MAGI1: variants seen among roughly 807,000 people sequenced by gnomAD.
MAGI1 encodes the protein membrane associated guanylate kinase, WW and PDZ domain containing 1.
A neutral mutation model predicts 139.9 loss-of-function variants in MAGI1; 58 were observed. That is an observed-to-expected ratio of 0.41 (90% confidence interval 0.34 to 0.52). MAGI1 has a LOEUF of 0.52. Among genes scored for constraint, MAGI1 ranks in the 20% least tolerant of loss-of-function variants. The probability of loss-of-function intolerance (pLI) is 0.12; values close to 1 mark genes in which losing one functional copy is unlikely to be tolerated. For synonymous variants in MAGI1, 812 were observed against 737.9 expected (o/e 1.10, Z -1.63); for missense variants, 1,874 against 1,901.6 (o/e 0.99, Z 0.27).
chr3:65,511,823 A>C (rs1203651369), intron 2 of MAGI1, among the ~76,000 whole-genome samples: 1 of 131,072 alleles, frequency 7.6e-6, no homozygotes, highest in Non-Finnish European at 1.6e-5. Flanking sequence ...CATCTACAGA[A>C]CTCTCCACCC....
chr3:65,923,445 T>A (rs1576072959), intron 1 of MAGI1, among the ~76,000 whole-genome samples: 1 of 152,150 alleles, frequency 6.6e-6, no homozygotes, highest in East Asian at 1.9e-4. Flanking sequence ...CAGGATGGTC[T>A]CGATCTCTTG....
At chr3:65,456,885 A>G (rs1949430958) in intron 5 of MAGI1, among the ~76,000 whole-genome samples, 2 of 152,310 alleles carry the variant, frequency 1.3e-5, no homozygotes, top group South Asian at 4.1e-4. Flanking sequence ...TTAGGTTATG[A>G]GTCTATTCCT....
intron 1 of MAGI1, among the ~76,000 whole-genome samples, chr3:65,680,795 T>TATGATATGATATGATATATGATATG (rs58365928): frequency 2.0e-4 from 31 of 151,274 alleles, no homozygotes; most frequent in African/African-American, 7.3e-4. Flanking sequence ...TATGATATGA[T>TATGATATGATATGATATATGATATG]ATACTTTAAT....
chr3:65,462,453 C>A (rs1418417480), intron 5 of MAGI1, among the ~76,000 whole-genome samples: 1 of 152,034 alleles, frequency 6.6e-6, no homozygotes, highest in African/African-American at 2.4e-5. Context: ...ATTTCTGAGG[C>A]CTCTGTTCTG....
At chr3:65,642,534 C>G (rs1290325595) in intron 1 of MAGI1, among the ~76,000 whole-genome samples, 1 of 152,176 alleles carries the variant, frequency 6.6e-6, no homozygotes, top group Non-Finnish European at 1.5e-5. Context: ...CTTAGCTAGA[C>G]AGTCCGCCCT....
At chr3:65,805,007 G>C (rs1279599200) in intron 1 of MAGI1, among the ~76,000 whole-genome samples, 1 of 152,084 alleles carries the variant, frequency 6.6e-6, no homozygotes, top group Non-Finnish European at 1.5e-5. Flanking sequence ...TAGGCAATAT[G>C]ATTCAGGATA....
chr3:65,529,648 G>A (rs1055050932), intron 2 of MAGI1, among the ~76,000 whole-genome samples: 5 of 152,110 alleles, frequency 3.3e-5, no homozygotes, highest in Non-Finnish European at 7.4e-5. Flanking sequence ...TTTGGCTACT[G>A]TGAATTATGT....
At chr3:66,021,678 T>C (rs1487967815) in intron 1 of MAGI1, among the ~76,000 whole-genome samples, 1 of 152,096 alleles carries the variant, frequency 6.6e-6, no homozygotes, top group Non-Finnish European at 1.5e-5. Flanking sequence ...ATCCCGTAGG[T>C]CTGGGATGGG....
intron 1 of MAGI1, among the ~76,000 whole-genome samples, chr3:65,953,125 G>A (rs983857375): frequency 6.6e-5 from 10 of 152,222 alleles, no homozygotes; most frequent in African/African-American, 2.2e-4. Flanking sequence ...CAAAGGGAGG[G>A]CAATGCCAAA....
chr3:65,354,925 A>C lies in MAGI1; in HGVS notation c.*1453T>G, dbSNP rs186767017. On this transcript the variant is annotated 3_prime_UTR_variant, in exon 23 of 23. Transcript: ENST00000402939. Reference sequence around the variant, plus strand: ...TCCTTTTTTTTTTTCTTACAGTACCATGGGAACAACAGTGATTGACTTGCA... The same window carrying C: ...TCCTTTTTTTTTTTCTTACAGTACCCTGGGAACAACAGTGATTGACTTGCA... 8.4e-5 allele frequency: 12 copies of C among 143,414 alleles called. No individual in the cohort carries two copies. The highest frequency in any genetic ancestry group is 3.1e-4 in the African/African-American group (12 of 38,308). 8.9% of individuals were successfully genotyped at this position (143,414 alleles called of 1,614,324 possible).
At chr3:65,849,487 CATCAAATATACATATAT>C (rs1559940847) in intron 1 of MAGI1, among the ~76,000 whole-genome samples, 1 of 107,948 alleles carries the variant, frequency 9.3e-6, no homozygotes, top group Non-Finnish European at 1.8e-5. Context: ...ATATATATAT[CATCAAATATACATATAT>C]ATATATCATC....
chr3:66,037,552 C>A (rs769888855), intron 1 of MAGI1, among the ~76,000 whole-genome samples: 22 of 152,040 alleles, frequency 1.4e-4, no homozygotes, highest in Non-Finnish European at 2.6e-4. Flanking sequence ...TGGGGGAGGT[C>A]CAATAAACTA....
At chr3:66,013,888 T>G (rs1184226704) in intron 1 of MAGI1, among the ~76,000 whole-genome samples, 1 of 152,162 alleles carries the variant, frequency 6.6e-6, no homozygotes, top group African/African-American at 2.4e-5. Flanking sequence ...GACTGAAGAC[T>G]TATTTAAGTA....
Position 66,037,045 on chromosome 3 carries a change from T to TC in MAGI1, c.313+950dup, listed in dbSNP as rs541135004. The stretch of plus-strand genomic sequence containing the variant: ...CAGCCCCTTCAGTGCGGTAGGGTCA[T>TC]CCCCCCACTCCTTCCTCCTCCATAC... On this transcript the variant is annotated intron_variant, in intron 1 of 22. Coordinates refer to ENST00000402939, the MANE Select transcript of MAGI1 (RefSeq NM_001033057.2). 2.9e-3 allele frequency among the ~76,000 whole-genome samples: 438 copies of TC among 152,170 alleles called. 2 individuals carry two copies. Among genetic ancestry groups the TC allele is most frequent in the Non-Finnish European group, 5.0e-3 (340 of 67,988 alleles).
chr3:65,629,561 C>CAAAA (rs57784561), intron 1 of MAGI1, among the ~76,000 whole-genome samples: 14 of 143,030 alleles, frequency 9.8e-5, no homozygotes, highest in South Asian at 8.8e-4. Context: ...GCTATTACAG[C>CAAAA]AAAAAAAAAA....
intron 1 of MAGI1, among the ~76,000 whole-genome samples, chr3:65,923,273 T>G (rs1358499024): frequency 6.7e-6 from 1 of 148,150 alleles, no homozygotes; most frequent in East Asian, 2.0e-4. Context: ...TCACCCAGGC[T>G]GGAGTGCAGT....
At chr3:65,962,401 G>C (rs546785329) in intron 1 of MAGI1, among the ~76,000 whole-genome samples, 3 of 151,844 alleles carry the variant, frequency 2.0e-5, no homozygotes, top group Non-Finnish European at 2.9e-5. Context: ...GATTACAGGC[G>C]TGAGCCACCG....
At chr3:65,837,647 G>A (rs2058672070) in intron 1 of MAGI1, among the ~76,000 whole-genome samples, 1 of 152,162 alleles carries the variant, frequency 6.6e-6, no homozygotes, top group African/African-American at 2.4e-5. Flanking sequence ...CACTAAATAC[G>A]AATGCAAAGC....
intron 7 of MAGI1, among the ~76,000 whole-genome samples, chr3:65,447,123 C>T (rs1948728599): frequency 6.6e-6 from 1 of 152,198 alleles, no homozygotes; most frequent in South Asian, 2.1e-4. Flanking sequence ...AAACAATCTT[C>T]TACTTAAACA....
Sources: gnomAD v4.1 joint callset for allele counts (sites outside exome capture counted in the v4.1 genomes callset) on GRCh38, gnomAD v4.1.1 for gene constraint, MANE v1.5 for transcripts, NCBI Gene and HGNC (gene_info 2026-07-23, HGNC 2026-07-21) for gene names.